The following ACOX3 variants were observed in gnomAD, a reference collection of about 807,000 sequenced individuals.
The protein encoded by ACOX3 is acyl-CoA oxidase 3, pristanoyl.
A neutral mutation model predicts 81.5 loss-of-function variants in ACOX3; 73 were observed. That is an observed-to-expected ratio of 0.90 (90% CI 0.74 to 1.09). The LOEUF is 1.09. ACOX3 is among the 50% of genes least tolerant of loss of function. ACOX3 has a pLI of 0.00. For synonymous variants in ACOX3, 387 were observed against 375.1 expected, an observed-to-expected ratio of 1.03 and a Z score of -0.37; for missense variants, 947 against 928.0, an observed-to-expected ratio of 1.02 and a Z score of -0.27.
At chr4:8,367,806 C>CAAAAAAAAA (rs535574857) in intron 17 of ACOX3, among the ~76,000 whole-genome samples, 5 of 46,712 alleles carry the variant, frequency 1.1e-4, no homozygotes, top group Non-Finnish European at 1.7e-4. Flanking sequence ...CCCATCTTTA[C>CAAAAAAAAA]AAAAAAAAAA....
At chr4:8,377,646 A>G (rs1717141282) in intron 14 of ACOX3, among the ~76,000 whole-genome samples, 1 of 152,190 alleles carries the variant, frequency 6.6e-6, no homozygotes, top group Admixed American at 6.5e-5. Context: ...TTCTTCCAGG[A>G]AAGGTCCACG....
In ACOX3 at chr4:8,384,399, G is replaced by A. The variant is rs1043720628; in HGVS notation, c.1538-2792C>T. Among the ~76,000 whole-genome samples, 2 of 152,160 alleles carry A rather than the reference G, an allele frequency of 1.3e-5. No homozygotes were observed. The highest frequency in any genetic ancestry group is 6.5e-5 in the Admixed American group (1 of 15,286). On this transcript the variant is annotated intron_variant, in intron 13 of 17. Transcript: ENST00000356406. This position sits in a 1 kb window ranked among gnomAD's most constrained non-coding sequence, Gnocchi z 5.3. The stretch of plus-strand genomic sequence containing the variant: ...GTTAATGTGGAAGTGAAAAAGTATC[G>A]CTGAAACAAACTAGGCAGGAAAACG...
chr4:8,420,976 G>T (rs2109004949), intron 1 of ACOX3, among the ~76,000 whole-genome samples: 1 of 152,282 alleles, frequency 6.6e-6, no homozygotes, highest in Middle Eastern at 3.4e-3. Flanking sequence ...GCTTCTAATA[G>T]AGCTATAACA....
rs556675485 is a variant in ACOX3 at position 8,382,290 on chromosome 4, T to C, written c.1538-683A>G. On this transcript the variant is annotated intron_variant, in intron 13 of 17. Transcript: ENST00000356406. The surrounding 1 kb of genome is among the most constrained non-coding windows in gnomAD (Gnocchi z 4.1). ...CGTCCTCCCCTTCCCCTGGCAGTGG[T>C]GCCCACATCTGCGGGGCCCCCCACA... is the stretch of plus-strand genomic sequence containing the variant. Among the ~76,000 whole-genome samples, 1 of 152,224 alleles carries C rather than the reference T, an allele frequency of 6.6e-6. No individual in the cohort carries two copies. The highest frequency in any genetic ancestry group is 1.5e-5 in the Non-Finnish European group (1 of 67,974).
Position 8,407,989 on chromosome 4 carries a change from G to A in ACOX3, c.688-1946C>T, listed in dbSNP as rs1023176769. Among the ~76,000 whole-genome samples the A allele has an allele frequency of 2.0e-5, 3 of 152,200 alleles. No individual in the cohort carries two copies. Among genetic ancestry groups the A allele is most frequent in the Non-Finnish European group, 4.4e-5 (3 of 68,034 alleles). ...CTCAGCCCAGCCCTGGGCATACAGG[G>A]CGCCCCAGTGAGTACTACCCAGCCC... On this transcript the variant is annotated intron_variant, in intron 6 of 17. Coordinates refer to ENST00000356406, the MANE Select transcript of ACOX3 (RefSeq NM_003501.3). This position sits in a 1 kb window ranked among gnomAD's most constrained non-coding sequence, Gnocchi z 4.6.
chr4:8,408,259 C>CAAA (rs201696645), intron 6 of ACOX3, among the ~76,000 whole-genome samples: 1 of 132,708 alleles, frequency 7.5e-6, no homozygotes, highest in Non-Finnish European at 1.6e-5. Flanking sequence ...CACTGTCTCA[C>CAAA]AAAAAAAAAA....
intron 17 of ACOX3, 150 bp from the exon 18 acceptor site, chr4:8,367,230 A>AAAAT: frequency 9.2e-7 from 1 of 1,083,022 alleles, no homozygotes; most frequent in Non-Finnish European, 1.3e-6. Context: ...CCGTAATCCC[A>AAAAT]GCATTTTGGG....
Position 8,384,540 on chromosome 4 carries a change from G to A in ACOX3, c.1538-2933C>T, listed in dbSNP as rs1354634461. Among the ~76,000 whole-genome samples, 3 of 152,108 alleles carry A rather than the reference G, an allele frequency of 2.0e-5. No homozygotes were observed. The highest frequency in any genetic ancestry group is 2.0e-4 in the Admixed American group (3 of 15,272). ...CTCTCCCAGAATCCTGGGTCACCAC[G>A]GCCTTTCCATGTGCCTCACACCAGA... On this transcript the variant is annotated intron_variant, in intron 13 of 17. Coordinates refer to ENST00000356406, the MANE Select transcript of ACOX3 (RefSeq NM_003501.3). The surrounding 1 kb of genome is among the most constrained non-coding windows in gnomAD (Gnocchi z 5.3).
rs1718648939 is a variant in ACOX3, at chr4:8,389,066, G to A, written c.1537+107C>T. Reference sequence around the variant, plus strand: ...TGCGGGGCCTCCCACCACCACTGCTGCCCCGGCTGGAACTGCCAAGGGTCC... The same window carrying A: ...TGCGGGGCCTCCCACCACCACTGCTACCCCGGCTGGAACTGCCAAGGGTCC... On this transcript the variant is annotated intron_variant, in intron 13 of 17. Coordinates refer to ENST00000356406, the MANE Select transcript of ACOX3 (RefSeq NM_003501.3). The surrounding 1 kb of genome is among the most constrained non-coding windows in gnomAD (Gnocchi z 5.3). The A allele has an allele frequency of 2.3e-6, 2 of 866,480 alleles. No homozygotes were observed. The highest frequency in any genetic ancestry group is 2.6e-5 in the East Asian group (1 of 37,852). 53.7% of individuals were successfully genotyped at this position (866,480 alleles called of 1,614,324 possible).
At chr4:8,422,841 G>A (rs948187912) in intron 1 of ACOX3, among the ~76,000 whole-genome samples, 1 of 152,216 alleles carries the variant, frequency 6.6e-6, no homozygotes, top group African/African-American at 2.4e-5. Flanking sequence ...TTCCAGTGTG[G>A]TCTACAAGGA....
At position 8,389,127 on chromosome 4, in the gene ACOX3, G is replaced by T; in HGVS notation, c.1537+46C>A. The T allele has an allele frequency of 1.3e-6, 2 of 1,518,516 alleles. No homozygotes were observed. The highest frequency in any genetic ancestry group is 2.3e-5 in the South Asian group (2 of 87,816). The allele number at this position is 1,518,516 out of a possible 1,614,324, so 94.1% of individuals were successfully genotyped here. A position where few individuals can be genotyped will look rare whatever the true frequency, so the allele number is the denominator to read the frequency against. On this transcript the variant is annotated intron_variant, in intron 13 of 17. Transcript: ENST00000356406. The surrounding 1 kb of genome is among the most constrained non-coding windows in gnomAD (Gnocchi z 5.3). ...GCACGGTGCGTTTCCTGGTGGGAAT[G>T]ACAGGAAATCAGGAGGCCAGGGGAG...
rs577381862 is a variant in ACOX3 at position 8,384,807 on chromosome 4, C to T, written c.1538-3200G>A. Among the ~76,000 whole-genome samples the T allele has an allele frequency of 6.6e-6, 1 of 152,334 alleles. No homozygotes were observed. The highest frequency in any genetic ancestry group is 6.5e-5 in the Admixed American group (1 of 15,312). ...CTGGAAAGCAAGGCCTGGACAGCGG[C>T]CCCAACTCCTCAGCCAGATCACAGG... On this transcript the variant is annotated intron_variant, in intron 13 of 17. Transcript: ENST00000356406. This position sits in a 1 kb window ranked among gnomAD's most constrained non-coding sequence, Gnocchi z 5.3.
At chr4:8,378,422 G>A (rs4481223) in intron 14 of ACOX3, among the ~76,000 whole-genome samples, 37,949 of 152,174 alleles carry the variant, frequency 0.25, 6,867 homozygotes, top group African/African-American at 0.52. Context: ...GTCCTTGTCC[G>A]CCTTCTGATG....
At chr4:8,422,290 C>G (rs948502325) in intron 1 of ACOX3, among the ~76,000 whole-genome samples, 1 of 152,144 alleles carries the variant, frequency 6.6e-6, no homozygotes, top group Non-Finnish European at 1.5e-5. Context: ...ACAGTGTACC[C>G]TATTCCTTTA....
chr4:8,404,004 A>G (rs1427745545), intron 7 of ACOX3, among the ~76,000 whole-genome samples: 1 of 152,190 alleles, frequency 6.6e-6, no homozygotes, highest in Non-Finnish European at 1.5e-5. Context: ...AGAGCCCTGA[A>G]AGGGATCAGC....
Position 8,405,654 on chromosome 4 carries a change from G to GC in ACOX3, c.776+300dup, listed in dbSNP as rs1720850957. 6.6e-6 allele frequency among the ~76,000 whole-genome samples: 1 copy of GC among 152,202 alleles called. No homozygotes were observed. The highest frequency in any genetic ancestry group is 1.5e-5 in the Non-Finnish European group (1 of 68,020). The stretch of plus-strand genomic sequence containing the variant: ...AGGAGGACCTCACACAGAGGAGGCA[G>GC]CCCCCCAGGCAGGGGCCCCACCAGT... On this transcript the variant is annotated intron_variant, in intron 7 of 17. Coordinates refer to ENST00000356406, the MANE Select transcript of ACOX3 (RefSeq NM_003501.3). The surrounding 1 kb of genome is among the most constrained non-coding windows in gnomAD (Gnocchi z 7.1).
At chr4:8,373,515 G>A (rs1716529849) in intron 16 of ACOX3, 46 bp downstream of exon 16, 1 of 1,601,674 alleles carries the variant, frequency 6.2e-7, no homozygotes, top group African/African-American at 1.4e-5. Flanking sequence ...GCTCTGGGCG[G>A]TTGTGTAACA....
intron 6 of ACOX3, among the ~76,000 whole-genome samples, chr4:8,409,314 T>C (rs138543159): frequency 2.0e-5 from 3 of 152,300 alleles, no homozygotes; most frequent in African/African-American, 2.4e-5. Flanking sequence ...TGGGGGACAT[T>C]GGGCTGGATG....
chr4:8,383,990 C>T (rs1367641813), intron 13 of ACOX3, among the ~76,000 whole-genome samples: 1 of 152,338 alleles, frequency 6.6e-6, no homozygotes, highest in South Asian at 2.1e-4. Flanking sequence ...CCCCCGTGTC[C>T]CACCACGCAT....
Sources: allele counts gnomAD v4.1 joint callset (sites outside exome capture counted in the v4.1 genomes callset), GRCh38; gene constraint gnomAD v4.1.1; non-coding constraint Gnocchi (gnomAD v3.1); transcripts MANE v1.5; gene names NCBI Gene and HGNC (gene_info 2026-07-23, HGNC 2026-07-21).